The following DENND5A variants were observed in gnomAD, a reference collection of about 807,000 sequenced individuals.
DENND5A encodes the protein DENN domain-containing protein 5A.
A neutral mutation model predicts 140.3 loss-of-function variants in DENND5A; 64 were observed. The observed-to-expected ratio is 0.46, with a 90% confidence interval of 0.37 to 0.56. The LOEUF is 0.56. Among genes scored for constraint, DENND5A ranks in the 20% least tolerant of loss-of-function variants. DENND5A has a pLI of 0.00. For missense variants in DENND5A, 1,292 were observed against 1,593.8 expected, an observed-to-expected ratio of 0.81 and a Z score of 3.22; for synonymous variants, 605 against 607.7, an observed-to-expected ratio of 1.00 and a Z score of 0.07.
intron 5 of DENND5A, among the ~76,000 whole-genome samples, chr11:9,189,779 A>G (rs1398362423): frequency 6.6e-6 from 1 of 152,166 alleles, no homozygotes; most frequent in Non-Finnish European, 1.5e-5. Flanking sequence ...TAGGTGGGAT[A>G]ACAGGCTTGT....
chr11:9,222,579 T>G (rs1850355432), intron 1 of DENND5A, among the ~76,000 whole-genome samples: 1 of 152,058 alleles, frequency 6.6e-6, no homozygotes, highest in Non-Finnish European at 1.5e-5. Flanking sequence ...ACAGAAAAAT[T>G]AGAGGAACTT....
At chr11:9,252,671 T>C (rs1292605170) in intron 1 of DENND5A, among the ~76,000 whole-genome samples, 7 of 151,818 alleles carry the variant, frequency 4.6e-5, no homozygotes, top group Non-Finnish European at 1.0e-4. Flanking sequence ...AAAACTGAAT[T>C]CCACAAGGAA....
At chr11:9,145,152 T>A (rs778038137) in intron 17 of DENND5A, 39 bp from the exon 18 acceptor site, 4 of 1,465,586 alleles carry the variant, frequency 2.7e-6, no homozygotes, top group Non-Finnish European at 1.9e-6. Context: ...GTCAGGAAAA[T>A]CAGAGAAAAG....
intron 1 of DENND5A, among the ~76,000 whole-genome samples, chr11:9,218,477 G>T (rs1850182229): frequency 6.6e-6 from 1 of 152,130 alleles, no homozygotes; most frequent in African/African-American, 2.4e-5. Context: ...GTGGCTCCCA[G>T]CTCTTTGGGA....
At chr11:9,201,479 T>A (rs1849521837) in intron 4 of DENND5A, among the ~76,000 whole-genome samples, 1 of 151,826 alleles carries the variant, frequency 6.6e-6, no homozygotes, top group East Asian at 1.9e-4. Flanking sequence ...GAGACCAGCC[T>A]GGGCAATGTA....
Position 9,150,167 on chromosome 11 carries a change from C to G in DENND5A, c.2649G>C (p.Lys883Asn). Reference sequence around the variant, plus strand: ...TGGACAGTCGCACCCATGCTCTGGCCTTTCCCACATCAGTCTTGATTTCCC... The same window carrying G: ...TGGACAGTCGCACCCATGCTCTGGCGTTTCCCACATCAGTCTTGATTTCCC... Reference protein sequence around the residue: ...NIGEIKTDVGKARAWVRLSME... With the variant: ...NIGEIKTDVGNARAWVRLSME... The change falls in exon 15 of 23, where the codon AAG (lysine) becomes AAC (asparagine). Residue 883 changes from lysine to asparagine, a missense_variant. This residue lies in a region of DENND5A where 498 missense variants were observed against 689.7 expected (regional missense o/e 0.72). Coordinates refer to ENST00000328194, the MANE Select transcript of DENND5A (RefSeq NM_015213.4). The G allele has an allele frequency of 6.2e-7, 1 of 1,613,992 alleles. No individual in the cohort carries two copies. The highest frequency in any genetic ancestry group is 8.5e-7 in the Non-Finnish European group (1 of 1,179,896).
chr11:9,265,334 G>C lies in DENND5A; in HGVS notation c.-265C>G, dbSNP rs539346733. The C allele has an allele frequency of 1.1e-4, 27 of 241,022 alleles. No individual in the cohort carries two copies. Among genetic ancestry groups the C allele is most frequent in the African/African-American group, 5.3e-4 (23 of 43,658 alleles). 14.9% of individuals were successfully genotyped at this position (241,022 alleles called of 1,614,324 possible). On this transcript the variant is annotated 5_prime_UTR_variant, in exon 1 of 23. Coordinates refer to ENST00000328194, the MANE Select transcript of DENND5A (RefSeq NM_015213.4). The surrounding 1 kb of genome is among the most constrained non-coding windows in gnomAD (Gnocchi z 4.7). ...CAGCTAGCCGAGAGCGCCGCGGCCC[G>C]AGCGAGCCTGGAGAAGGGCGGAGAG...
chr11:9,192,217 G>A (rs749740199), intron 5 of DENND5A, among the ~76,000 whole-genome samples: 1 of 152,166 alleles, frequency 6.6e-6, no homozygotes. Context: ...AATTATCAGG[G>A]TATTCATCAA....
chr11:9,143,367 A>T (rs1036114805), intron 20 of DENND5A, 36 bp downstream of exon 20: 2 of 1,549,898 alleles, frequency 1.3e-6, no homozygotes, highest in Admixed American at 3.3e-5. Flanking sequence ...CTCTTATTCA[A>T]TGTAAGGCCC....
rs780302088 is a variant in DENND5A, at chr11:9,178,109, G to A, written c.1906+23C>T. On this transcript the variant is annotated intron_variant, in intron 8 of 22. Coordinates refer to ENST00000328194, the MANE Select transcript of DENND5A (RefSeq NM_015213.4). ...ATGCCATAATCCAAGAGGCCTGAAT[G>A]TACATTTCCAAGGAGGCCTTACCTG... The A allele has an allele frequency of 1.7e-5, 26 of 1,492,832 alleles. No individual in the cohort carries two copies. The South Asian group carries it at 2.8e-4, about 16-fold the overall frequency. The allele number at this position is 1,492,832 out of a possible 1,614,324, so 92.5% of individuals were successfully genotyped here.
chr11:9,204,287 T>C lies in DENND5A; in HGVS notation c.322A>G (p.Thr108Ala). ...TGGGGCTCCCTGGGATCAGCCTGGG[T>C]CTTGAATGCCAGCCCTTTCGGCATA... ...LCMPKGLAFK[T>A]QADPREPQFH... Residue 108 changes from threonine to alanine, a missense_variant, in exon 4 of 23, where the codon ACC becomes GCC. Around this residue, in one of 4 missense-constraint regions of DENND5A, gnomAD observed 566 missense variants for 650.4 expected, o/e 0.87. Transcript: ENST00000328194. The C allele has an allele frequency of 1.2e-6, 2 of 1,612,776 alleles. No homozygotes were observed. Among genetic ancestry groups the C allele is most frequent in the Non-Finnish European group, 1.7e-6 (2 of 1,179,954 alleles).
chr11:9,191,217 GTTTTT>G (rs145518255), intron 5 of DENND5A, among the ~76,000 whole-genome samples: 1 of 148,078 alleles, frequency 6.8e-6, no homozygotes, highest in Non-Finnish European at 1.5e-5. Flanking sequence ...TTTCTTTTCT[GTTTTT>G]TTTTTGAGGT....
At chr11:9,261,828 C>T (rs1334341212) in intron 1 of DENND5A, among the ~76,000 whole-genome samples, 1 of 150,050 alleles carries the variant, frequency 6.7e-6, no homozygotes, top group African/African-American at 2.5e-5. Context: ...ATTCCCCTAC[C>T]AACCCACCAG....
chr11:9,177,720 T>TA (rs1374600736), intron 8 of DENND5A, among the ~76,000 whole-genome samples: 5 of 72,920 alleles, frequency 6.9e-5, no homozygotes, highest in Admixed American at 1.7e-4. Context: ...TTGACATCAT[T>TA]TAAAAAAAAA....
chr11:9,223,247 G>C (rs989862539), intron 1 of DENND5A, among the ~76,000 whole-genome samples: 1 of 152,138 alleles, frequency 6.6e-6, no homozygotes, highest in Non-Finnish European at 1.5e-5. Flanking sequence ...AAAAATTAAG[G>C]CTGGGTGCGG....
chr11:9,202,757 G>A (rs1221216195), intron 4 of DENND5A, among the ~76,000 whole-genome samples: 2 of 151,958 alleles, frequency 1.3e-5, no homozygotes, highest in African/African-American at 2.4e-5. Context: ...TTGAATACAC[G>A]AAGCACATTC....
In DENND5A at chr11:9,178,205, G is replaced by C. The variant is rs754153915; in HGVS notation, c.1833C>G (p.Ile611Met). The C allele has an allele frequency of 3.1e-6, 5 of 1,614,102 alleles. No individual in the cohort carries two copies. The highest frequency in any genetic ancestry group is 4.2e-6 in the Non-Finnish European group (5 of 1,179,992). ...LRVFDSRVDKIRLLNVRTPTL... is the reference protein window; with the variant it reads ...LRVFDSRVDKMRLLNVRTPTL... ...TAGGTGTCCGAACATTCAACAGCCT[G>C]ATCTTGTCAACTCGGGAATCAAATA... Residue 611 changes from isoleucine to methionine, a missense_variant, in exon 8 of 23, where the codon ATC (isoleucine) becomes ATG (methionine). Physicochemically the swap from Ile to Met is conservative, Grantham distance 10. This residue lies in a region of DENND5A where 199 missense variants were observed against 189.1 expected (regional missense o/e 1.05). Transcript: ENST00000328194.
At chr11:9,165,154 C>T (rs547968241) in intron 11 of DENND5A, among the ~76,000 whole-genome samples, 1 of 152,018 alleles carries the variant, frequency 6.6e-6, no homozygotes, top group African/African-American at 2.4e-5. Flanking sequence ...TGCATGCCAC[C>T]ACGCCCGGCT....
intron 1 of DENND5A, among the ~76,000 whole-genome samples, chr11:9,243,078 ACT>A: frequency 8.6e-6 from 1 of 116,702 alleles, no homozygotes. Context: ...ACACAGCGAG[ACT>A]CTGTCTCAAA....
Sources: allele counts gnomAD v4.1 joint callset (sites outside exome capture counted in the v4.1 genomes callset), GRCh38; gene constraint gnomAD v4.1.1; regional missense constraint gnomAD v4.1.1; non-coding constraint Gnocchi (gnomAD v3.1); transcripts MANE v1.5; gene names NCBI Gene and HGNC (gene_info 2026-07-23, HGNC 2026-07-21).